ELMO1: variants seen among roughly 807,000 people sequenced by gnomAD.
ELMO1 encodes engulfment and cell motility protein 1.
Under a neutral mutation model 98.9 loss-of-function variants are expected in ELMO1, and 26 were observed. That is an observed-to-expected ratio of 0.26 (90% CI 0.19 to 0.36). The LOEUF (loss-of-function observed/expected upper bound fraction) is 0.36. Among genes scored for constraint, ELMO1 ranks in the 10% least tolerant of loss-of-function variants. The probability of loss-of-function intolerance (pLI) is 1.00; values close to 1 mark genes in which losing one functional copy is unlikely to be tolerated. For synonymous variants in ELMO1, 346 were observed against 346.0 expected, an observed-to-expected ratio of 1.00 and a Z score of 0.00; for missense variants, 627 against 935.2, an observed-to-expected ratio of 0.67 and a Z score of 4.30.
intron 14 of ELMO1, among the ~76,000 whole-genome samples, chr7:37,125,524 A>C (rs1025372102): frequency 1.3e-5 from 2 of 152,260 alleles, no homozygotes; most frequent in Non-Finnish European, 2.9e-5. Flanking sequence ...CAGCCAACAG[A>C]CACATGAAGA....
Position 37,244,301 on chromosome 7 carries a change from T to A in ELMO1, c.449+55A>T. Reference sequence around the variant, plus strand: ...TCAGTCAGATGACAGGGCTCAATTATGCAGGAAAGTAGGAAGGGTTAAATC... The same window carrying A: ...TCAGTCAGATGACAGGGCTCAATTAAGCAGGAAAGTAGGAAGGGTTAAATC... On this transcript the variant is annotated intron_variant, in intron 7 of 21. Coordinates refer to ENST00000310758, the MANE Select transcript of ELMO1 (RefSeq NM_014800.11). 6.3e-6 allele frequency: 10 copies of A among 1,579,664 alleles called. No individual in the cohort carries two copies. In the South Asian group the frequency reaches 1.1e-4, roughly 18 times the overall value.
rs370735084 is a variant in ELMO1 at position 37,266,976 on chromosome 7, A to G, written c.243+4856T>C. Among the ~76,000 whole-genome samples the G allele has an allele frequency of 8.0e-5, 12 of 149,520 alleles. No homozygotes were observed. The East Asian group carries it at 9.9e-4, about 12-fold the overall frequency. The stretch of plus-strand genomic sequence containing the variant: ...TTTAGTGAGCTGAAATTGTGCCACT[A>G]TACTCCAGCCTGGGCGACAGAGCAA... On this transcript the variant is annotated intron_variant, in intron 5 of 21. Transcript: ENST00000310758.
chr7:37,135,255 A>G (rs1016166348), intron 13 of ELMO1, among the ~76,000 whole-genome samples: 4 of 152,172 alleles, frequency 2.6e-5, no homozygotes, highest in Non-Finnish European at 1.5e-5. Flanking sequence ...AAGATGGTGG[A>G]TAGGAGGAAG....
chr7:37,380,288 T>G (rs1802531499), intron 1 of ELMO1, among the ~76,000 whole-genome samples: 1 of 152,270 alleles, frequency 6.6e-6, no homozygotes, highest in South Asian at 2.1e-4. Flanking sequence ...TTATTCATTT[T>G]GTGTCTTCCT....
At position 37,271,849 on chromosome 7, in the gene ELMO1, G is replaced by A. The variant is rs867300194; in HGVS notation, c.226C>T (p.Arg76Ter). ...CAACTTACTGGAGATGTGGTTAATC[G>A]AAGGATAGTGCCATTTTTTATCTCA... ...RNEIKNGTILRLTTSPAQNAQ... is the reference protein window; with the variant it reads ...RNEIKNGTIL Residue 76 changes from arginine to a stop codon, truncating the protein, a stop_gained, in exon 5 of 22, where the codon CGA becomes TGA. Transcript: ENST00000310758. LOFTEE classifies it high-confidence loss of function. 5.0e-6 allele frequency: 8 copies of A among 1,613,858 alleles called. No individual in the cohort carries two copies. Among genetic ancestry groups the A allele is most frequent in the African/African-American group, 1.3e-5 (1 of 74,932 alleles).
At chr7:37,180,661 A>G (rs1001425533) in intron 13 of ELMO1, among the ~76,000 whole-genome samples, 7 of 152,156 alleles carry the variant, frequency 4.6e-5, no homozygotes, top group African/African-American at 1.7e-4. Context: ...GGTTTTTATA[A>G]TTGTACAATA....
chr7:37,424,221 C>T (rs2131542277), intron 1 of ELMO1, among the ~76,000 whole-genome samples: 1 of 152,352 alleles, frequency 6.6e-6, no homozygotes, highest in South Asian at 2.1e-4. Flanking sequence ...CTTTGATCTT[C>T]TTTACCTTTT....
chr7:37,192,994 T>G (rs56768729), intron 13 of ELMO1, among the ~76,000 whole-genome samples: 81,594 of 128,458 alleles, frequency 0.64, 25,574 homozygotes, highest in East Asian at 0.83. Context: ...TATATATATA[T>G]ATATATATAT....
At chr7:37,393,289 A>G (rs1803159995) in intron 1 of ELMO1, among the ~76,000 whole-genome samples, 1 of 152,242 alleles carries the variant, frequency 6.6e-6, no homozygotes, top group African/African-American at 2.4e-5. Flanking sequence ...GATTGCCAAC[A>G]AACAATGGCA....
intron 16 of ELMO1, among the ~76,000 whole-genome samples, chr7:36,992,743 T>C (rs1031927033): frequency 6.6e-6 from 1 of 152,210 alleles, no homozygotes; most frequent in Non-Finnish European, 1.5e-5. Context: ...ATGCAAATAA[T>C]TCTACCTTTT....
At chr7:37,332,126 T>A (rs745980629) in intron 2 of ELMO1, among the ~76,000 whole-genome samples, 1 of 152,228 alleles carries the variant, frequency 6.6e-6, no homozygotes, top group African/African-American at 2.4e-5. Flanking sequence ...CATTTTGAGC[T>A]GGTTTGTCTC....
At chr7:36,903,969 C>T (rs754008825) in intron 16 of ELMO1, among the ~76,000 whole-genome samples, 9 of 152,246 alleles carry the variant, frequency 5.9e-5, no homozygotes, top group Non-Finnish European at 1.2e-4. Context: ...TCAGACACCA[C>T]CTGCTACTTG....
At chr7:37,226,149 G>A (rs2130569641) in intron 8 of ELMO1, among the ~76,000 whole-genome samples, 1 of 152,252 alleles carries the variant, frequency 6.6e-6, no homozygotes, top group East Asian at 1.9e-4. Flanking sequence ...CCAACACTCT[G>A]CCTACCCCAG....
intron 2 of ELMO1, among the ~76,000 whole-genome samples, chr7:37,327,612 A>T (rs966131972): frequency 1.3e-5 from 2 of 152,138 alleles, no homozygotes; most frequent in African/African-American, 2.4e-5. Context: ...TAGTTTTTTT[A>T]TTTTTTTCTT....
intron 13 of ELMO1, among the ~76,000 whole-genome samples, chr7:37,161,347 T>C (rs1002964782): frequency 2.0e-5 from 3 of 152,188 alleles, no homozygotes; most frequent in Non-Finnish European, 2.9e-5. Flanking sequence ...CACACTTATC[T>C]TGAATCCCCT....
Position 36,952,964 on chromosome 7 carries a change from CTTTTTTT to C in ELMO1, c.1438-57954_1438-57948del, listed in dbSNP as rs70980904. Among the ~76,000 whole-genome samples, 15 of 82,882 alleles carry C rather than the reference CTTTTTTT, an allele frequency of 1.8e-4. No individual in the cohort carries two copies. In the East Asian group the frequency reaches 2.6e-3, roughly 15 times the overall value. The allele number at this position is 82,882 out of a possible 152,430, so 54.4% of individuals were successfully genotyped here. The stretch of plus-strand genomic sequence containing the variant: ...GTGCCAAATAATGGAAGTCACTACT[CTTTTTTT>C]TTTTTTTTTTTTTTTTTTGAGATGG... On this transcript the variant is annotated intron_variant, in intron 16 of 21. Coordinates refer to ENST00000310758, the MANE Select transcript of ELMO1 (RefSeq NM_014800.11).
intron 1 of ELMO1, among the ~76,000 whole-genome samples, chr7:37,379,728 T>A (rs1183361684): frequency 1.3e-5 from 2 of 152,176 alleles, no homozygotes; most frequent in African/African-American, 2.4e-5. Flanking sequence ...TTCCTGTGGC[T>A]CTAAACTTCT....
At chr7:37,276,535 C>T (rs910332789) in intron 4 of ELMO1, among the ~76,000 whole-genome samples, 12 of 152,070 alleles carry the variant, frequency 7.9e-5, no homozygotes, top group East Asian at 1.9e-4. Flanking sequence ...GGCGTGAACC[C>T]GGGAGGCGGA....
At chr7:36,866,496 T>G (rs1285925138) in intron 20 of ELMO1, among the ~76,000 whole-genome samples, 3 of 152,210 alleles carry the variant, frequency 2.0e-5, no homozygotes, top group African/African-American at 7.2e-5. Context: ...AACAAATGCC[T>G]CTGCAATAGA....
Sources: allele counts gnomAD v4.1 joint callset (sites outside exome capture counted in the v4.1 genomes callset), GRCh38; gene constraint gnomAD v4.1.1; transcripts MANE v1.5; gene names NCBI Gene and HGNC (gene_info 2026-07-23, HGNC 2026-07-21).